The following TBC1D12 variants were observed in gnomAD, a reference collection of about 807,000 sequenced individuals.
TBC1D12 encodes TBC1 domain family member 12.
A neutral mutation model predicts 86.7 loss-of-function variants in TBC1D12; 56 were observed. That is an observed-to-expected ratio of 0.65 (90% confidence interval 0.52 to 0.81). The LOEUF (loss-of-function observed/expected upper bound fraction) is 0.81, where lower values mean the gene tolerates loss of function less well. Among genes scored for constraint, TBC1D12 ranks in the 30% least tolerant of loss-of-function variants. The pLI, the probability that TBC1D12 is intolerant of heterozygous loss-of-function variation, is 0.00. For synonymous variants in TBC1D12, 421 were observed against 411.7 expected, an observed-to-expected ratio of 1.02 and a Z score of -0.27; for missense variants, 1,023 against 1,038.8, an observed-to-expected ratio of 0.98 and a Z score of 0.21.
At chr10:94,531,101 T>C in intron 11 of TBC1D12, 101 bp from the exon 12 acceptor site, 1 of 1,341,666 alleles carries the variant, frequency 7.5e-7, no homozygotes, top group Non-Finnish European at 1.0e-6. Context: ...TTTGCCTTCT[T>C]ATCCCTAATT....
At position 94,533,566 on chromosome 10, in the gene TBC1D12, T is replaced by G. The variant is rs1842481756; in HGVS notation, c.*470T>G. On this transcript the variant is annotated 3_prime_UTR_variant, in exon 13 of 13. Transcript: ENST00000225235. Reference sequence around the variant, plus strand: ...ATTATAGACCAGTAATGAACAGATTTGGTTGTAAATTATTTAAGTCACTGA... The same window carrying G: ...ATTATAGACCAGTAATGAACAGATTGGGTTGTAAATTATTTAAGTCACTGA... 1 of 152,266 alleles carries G rather than the reference T, an allele frequency of 6.6e-6. No individual in the cohort carries two copies. The highest frequency in any genetic ancestry group is 1.5e-5 in the Non-Finnish European group (1 of 68,094). 9.4% of individuals were successfully genotyped at this position (152,266 alleles called of 1,614,324 possible).
chr10:94,524,940 C>T (rs974470527), intron 11 of TBC1D12, among the ~76,000 whole-genome samples: 1 of 152,018 alleles, frequency 6.6e-6, no homozygotes, highest in Non-Finnish European at 1.5e-5. Flanking sequence ...TTCCTCCCAC[C>T]TCAGCCTCCT....
chr10:94,448,942 A>T (rs1330245634), intron 2 of TBC1D12, among the ~76,000 whole-genome samples: 1 of 152,160 alleles, frequency 6.6e-6, no homozygotes, highest in East Asian at 1.9e-4. Context: ...GTATAAATGG[A>T]TTTCATAAAA....
chr10:94,456,895 C>T (rs1335520318), intron 2 of TBC1D12, among the ~76,000 whole-genome samples: 1 of 152,170 alleles, frequency 6.6e-6, no homozygotes, highest in African/African-American at 2.4e-5. Context: ...TCTTGGATTA[C>T]TAACCCCTTT....
intron 2 of TBC1D12, among the ~76,000 whole-genome samples, chr10:94,455,735 G>C (rs2055617442): frequency 6.6e-6 from 1 of 152,158 alleles, no homozygotes; most frequent in Admixed American, 6.5e-5. Flanking sequence ...TTCGAGACCA[G>C]CCTGGCCGAC....
intron 2 of TBC1D12, among the ~76,000 whole-genome samples, chr10:94,465,854 GCATA>G (rs1171361496): frequency 1.9e-4 from 28 of 150,070 alleles, no homozygotes; most frequent in East Asian, 1.6e-3. Context: ...ATACGTACAT[GCATA>G]CATACATATA....
intron 7 of TBC1D12, among the ~76,000 whole-genome samples, chr10:94,507,549 G>A (rs2056475194): frequency 6.6e-6 from 1 of 152,154 alleles, no homozygotes; most frequent in Non-Finnish European, 1.5e-5. Flanking sequence ...TCAGCTATTT[G>A]TGGAGAACTA....
intron 3 of TBC1D12, among the ~76,000 whole-genome samples, chr10:94,475,471 C>T (rs1423955648): frequency 2.0e-5 from 3 of 152,120 alleles, no homozygotes; most frequent in Admixed American, 1.3e-4. Flanking sequence ...TGCTCAGTCA[C>T]CCAGGCTGGA....
At chr10:94,507,740 C>T (rs2056478519) in intron 7 of TBC1D12, among the ~76,000 whole-genome samples, 1 of 152,098 alleles carries the variant, frequency 6.6e-6, no homozygotes, top group Admixed American at 6.6e-5. Flanking sequence ...AATCCTGGCA[C>T]TTTGGGGGGC....
In TBC1D12 at chr10:94,469,017, T is replaced by C. The variant is rs540933876; in HGVS notation, c.1096-5651T>C. ...AGTAAGTTCATTGATAATTTCTTAG[T>C]TATGGGATAAATTAGCTCCAAAGAA... On this transcript the variant is annotated intron_variant, in intron 2 of 12. Transcript: ENST00000225235. Among the ~76,000 whole-genome samples, 29 of 152,326 alleles carry C rather than the reference T, an allele frequency of 1.9e-4. No homozygotes were observed. In the South Asian group the frequency reaches 6.0e-3, roughly 32 times the overall value.
intron 5 of TBC1D12, among the ~76,000 whole-genome samples, chr10:94,498,743 A>G (rs2056355984): frequency 6.6e-6 from 1 of 150,962 alleles, no homozygotes; most frequent in Non-Finnish European, 1.5e-5. Context: ...GGTGTGAGCC[A>G]CTGCACCCTA....
rs768882120 is a variant in TBC1D12 at position 94,402,661 on chromosome 10, G to A, written c.48G>A (p.Lys16=). 24 of 1,610,846 alleles carry A rather than the reference G, an allele frequency of 1.5e-5. No homozygotes were observed. The highest frequency in any genetic ancestry group is 1.8e-5 in the Non-Finnish European group (21 of 1,179,250). The change falls in exon 1 of 13, where the codon AAG becomes AAA. Residue 16 remains lysine, a synonymous_variant. Transcript: ENST00000225235. ...GAGCCTGCTCGGGAAGAAACCCCAA[G>A]TTGCTCCCGGTGCCTGCGCCGGACC... ...DAGACSGRNP[K]LLPVPAPDPV...
chr10:94,524,840 A>G (rs1471316219), intron 11 of TBC1D12, among the ~76,000 whole-genome samples: 1 of 129,528 alleles, frequency 7.7e-6, no homozygotes, highest in Non-Finnish European at 1.7e-5. Flanking sequence ...TTTATTTTTT[A>G]TTTTTTGAGA....
chr10:94,421,262 T>A (rs1371044865), intron 1 of TBC1D12, among the ~76,000 whole-genome samples: 2 of 152,202 alleles, frequency 1.3e-5, no homozygotes, highest in South Asian at 2.1e-4. Context: ...ATTCCAAATA[T>A]AAGTGAGATC....
chr10:94,506,225 G>C (rs1008466648), intron 6 of TBC1D12, among the ~76,000 whole-genome samples: 4 of 151,886 alleles, frequency 2.6e-5, no homozygotes, highest in African/African-American at 4.8e-5. Context: ...TTTTAGTAGA[G>C]ACAAGGTTTC....
chr10:94,460,603 T>C (rs2055712716), intron 2 of TBC1D12, among the ~76,000 whole-genome samples: 1 of 151,950 alleles, frequency 6.6e-6, no homozygotes, highest in South Asian at 2.1e-4. Flanking sequence ...TCCTATTTGA[T>C]GTTCTCTGAG....
rs932225843 is a variant in TBC1D12, at chr10:94,403,444, C to A, written c.831C>A (p.Phe277Leu). The change falls in exon 1 of 13, where the codon TTC becomes TTA. Residue 277 changes from phenylalanine (F) to leucine (L), a missense_variant. By Grantham distance (22) the Phe-to-Leu change is conservative (BLOSUM62 0). Around this residue, in one of 2 missense-constraint regions of TBC1D12, gnomAD observed 628 missense variants for 531.1 expected, o/e 1.18. Coordinates refer to ENST00000225235, the MANE Select transcript of TBC1D12 (RefSeq NM_015188.2). ...SDIHFNSRNT[F>L]QVSRGQSARD... ...TTCACTTCAACTCTCGCAACACGTT[C>A]CAGGTGAGCCGCGGTCAGAGCGCCC... 1 of 1,547,004 alleles carries A rather than the reference C, an allele frequency of 6.5e-7. No individual in the cohort carries two copies. Among genetic ancestry groups the A allele is most frequent in the African/African-American group, 1.4e-5 (1 of 71,592 alleles).
At chr10:94,446,328 T>G (rs1589621059) in intron 2 of TBC1D12, among the ~76,000 whole-genome samples, 1 of 152,314 alleles carries the variant, frequency 6.6e-6, no homozygotes, top group South Asian at 2.1e-4. Flanking sequence ...AGGACACTTC[T>G]GTCATGTTTT....
intron 1 of TBC1D12, among the ~76,000 whole-genome samples, chr10:94,433,339 G>A (rs978176667): frequency 6.6e-6 from 1 of 152,004 alleles, no homozygotes; most frequent in African/African-American, 2.4e-5. Context: ...GGCTGTTCTC[G>A]AACTCCTGAC....
Sources: gnomAD v4.1 joint callset for allele counts (sites outside exome capture counted in the v4.1 genomes callset) on GRCh38, gnomAD v4.1.1 for gene constraint, gnomAD v4.1.1 regional missense constraint, MANE v1.5 for transcripts, NCBI Gene and HGNC (gene_info 2026-07-23, HGNC 2026-07-21) for gene names.